Variants in CNTNAP4 observed in about 807,000 individuals in gnomAD.
CNTNAP4 encodes contactin-associated protein-like 4.
Under a neutral mutation model 148.4 loss-of-function variants are expected in CNTNAP4, and 98 were observed. The observed-to-expected ratio is 0.66, with a 90% CI of 0.56 to 0.78. The LOEUF is 0.78. CNTNAP4 is among the 30% of genes least tolerant of loss of function. The pLI is 0.00. For synonymous variants in CNTNAP4, 730 were observed against 565.1 expected, an observed-to-expected ratio of 1.29 and a Z score of -4.14; for missense variants, 1,935 against 1,565.6, an observed-to-expected ratio of 1.24 and a Z score of -3.98.
At chr16:76,392,708 G>T (rs188310953) in intron 3 of CNTNAP4, among the ~76,000 whole-genome samples, 1 of 152,196 alleles carries the variant, frequency 6.6e-6, no homozygotes, top group Admixed American at 6.5e-5. Flanking sequence ...TTCTTGGAGT[G>T]TTGAGTCTTT....
intron 2 of CNTNAP4, among the ~76,000 whole-genome samples, chr16:76,321,169 T>C (rs1336886199): frequency 6.6e-6 from 1 of 152,238 alleles, no homozygotes; most frequent in East Asian, 1.9e-4. Flanking sequence ...AAGCAATGTT[T>C]TCCCAATACC....
At chr16:76,473,589 T>C (rs185999335) in intron 10 of CNTNAP4, among the ~76,000 whole-genome samples, 13 of 152,120 alleles carry the variant, frequency 8.5e-5, no homozygotes, top group African/African-American at 2.2e-4. Flanking sequence ...CTGGCTAACA[T>C]GGTGAAGCCC....
At chr16:76,378,306 A>G (rs2144679407) in intron 3 of CNTNAP4, among the ~76,000 whole-genome samples, 1 of 152,348 alleles carries the variant, frequency 6.6e-6, no homozygotes, top group Non-Finnish European at 1.5e-5. Context: ...AAATATAATG[A>G]GGACCCTGGA....
At position 76,449,808 on chromosome 16, in the gene CNTNAP4, G is replaced by T; in HGVS notation, c.1021G>T (p.Val341Leu). 6.2e-7 allele frequency: 1 copy of T among 1,606,508 alleles called. No individual in the cohort carries two copies. Among genetic ancestry groups the T allele is most frequent in the Non-Finnish European group, 8.5e-7 (1 of 1,176,366 alleles). ...TTTAGAAAATCTCTATTATAATGGAGTGGATATCATTGATTTGGCCAAGCA... is the reference window on the plus strand; with the variant it reads ...TTTAGAAAATCTCTATTATAATGGATTGGATATCATTGATTTGGCCAAGCA... ...GCLENLYYNGVDIIDLAKQQK... is the reference protein window; with the variant it reads ...GCLENLYYNGLDIIDLAKQQK... The change falls in exon 7 of 24, where the codon GTG becomes TTG. Residue 341 changes from valine (V) to leucine (L), a missense_variant. Val to Leu is a conservative substitution (Grantham distance 32, BLOSUM62 1). Coordinates refer to ENST00000611870, the MANE Select transcript of CNTNAP4 (RefSeq NM_033401.5).
At chr16:76,367,675 C>T (rs1274463127) in intron 3 of CNTNAP4, among the ~76,000 whole-genome samples, 1 of 152,128 alleles carries the variant, frequency 6.6e-6, no homozygotes, top group Non-Finnish European at 1.5e-5. Flanking sequence ...AGATGTTCAG[C>T]TATCATGAAC....
At chr16:76,289,612 T>G (rs1311245929) in intron 1 of CNTNAP4, among the ~76,000 whole-genome samples, 1 of 151,650 alleles carries the variant, frequency 6.6e-6, no homozygotes, top group Non-Finnish European at 1.5e-5. Context: ...TTGCTCTGTC[T>G]CCCAGGCTGG....
At chr16:76,322,234 T>G (rs1469491682) in intron 2 of CNTNAP4, among the ~76,000 whole-genome samples, 1 of 152,206 alleles carries the variant, frequency 6.6e-6, no homozygotes, top group Non-Finnish European at 1.5e-5. Flanking sequence ...CTGCCTGATA[T>G]TTCTGTCTTG....
At chr16:76,297,060 C>A (rs13332281) in intron 1 of CNTNAP4, among the ~76,000 whole-genome samples, 4 of 151,942 alleles carry the variant, frequency 2.6e-5, no homozygotes, top group Admixed American at 2.6e-4. Flanking sequence ...TAACTTATAA[C>A]TGAACTCAAA....
intron 18 of CNTNAP4, among the ~76,000 whole-genome samples, chr16:76,536,491 C>T (rs1024567065): frequency 2.0e-5 from 3 of 152,060 alleles, no homozygotes; most frequent in African/African-American, 4.8e-5. Flanking sequence ...TCCCCATGCC[C>T]GGCCCTGTTA....
chr16:76,461,676 G>T (rs928298687), intron 8 of CNTNAP4, among the ~76,000 whole-genome samples: 15 of 152,090 alleles, frequency 9.9e-5, no homozygotes, highest in African/African-American at 3.4e-4. Context: ...CCCTAAGAAG[G>T]AAATTACATA....
chr16:76,441,185 T>A (rs768425650), intron 4 of CNTNAP4, among the ~76,000 whole-genome samples: 1 of 152,060 alleles, frequency 6.6e-6, no homozygotes, highest in Non-Finnish European at 1.5e-5. Context: ...TTGTGTGTCT[T>A]CCCCAATTGA....
At chr16:76,423,396 G>T (rs1266715698) in intron 3 of CNTNAP4, among the ~76,000 whole-genome samples, 1 of 151,974 alleles carries the variant, frequency 6.6e-6, no homozygotes, top group Non-Finnish European at 1.5e-5. Context: ...TAGTACACAG[G>T]TGCAAGATTC....
Position 76,559,098 on chromosome 16 carries a change from G to C in CNTNAP4, c.*415G>C, listed in dbSNP as rs1027994038. 1 of 152,832 alleles carries C rather than the reference G, an allele frequency of 6.5e-6. No individual in the cohort carries two copies. The highest frequency in any genetic ancestry group is 3.4e-3 in the Middle Eastern group (1 of 294). 9.5% of individuals were successfully genotyped at this position (152,832 alleles called of 1,614,324 possible). ...GCTGTGTTTGCTTTTGTCTCCTCGT[G>C]GTGTTATTCATAGACCTGGAAATGC... On this transcript the variant is annotated 3_prime_UTR_variant, in exon 24 of 24. Coordinates refer to ENST00000611870, the MANE Select transcript of CNTNAP4 (RefSeq NM_033401.5).
chr16:76,291,736 A>G (rs1959125054), intron 1 of CNTNAP4, among the ~76,000 whole-genome samples: 1 of 152,220 alleles, frequency 6.6e-6, no homozygotes, highest in South Asian at 2.1e-4. Context: ...AATAAAGCAA[A>G]CAAACAATAA....
chr16:76,361,198 A>T (rs781233347), intron 3 of CNTNAP4, among the ~76,000 whole-genome samples: 1 of 152,164 alleles, frequency 6.6e-6, no homozygotes, highest in Non-Finnish European at 1.5e-5. Context: ...TGCACAGTAC[A>T]ATACTGTTCA....
chr16:76,289,448 C>G (rs1747816578), intron 1 of CNTNAP4, among the ~76,000 whole-genome samples: 1 of 151,734 alleles, frequency 6.6e-6, no homozygotes, highest in South Asian at 2.1e-4. Flanking sequence ...TTAACTTTTA[C>G]AAAGCAGTGT....
chr16:76,321,244 CAG>C (rs1380553169), intron 2 of CNTNAP4, among the ~76,000 whole-genome samples: 2 of 152,210 alleles, frequency 1.3e-5, no homozygotes, highest in Non-Finnish European at 2.9e-5. Flanking sequence ...GGTTAATTGA[CAG>C]AGATAACTCC....
chr16:76,437,755 T>C (rs1194691702), intron 4 of CNTNAP4, among the ~76,000 whole-genome samples: 2 of 152,100 alleles, frequency 1.3e-5, no homozygotes, highest in African/African-American at 2.4e-5. Context: ...ATCTCTTTAA[T>C]TAAATATTTT....
chr16:76,397,822 G>A (rs1223064072), intron 3 of CNTNAP4, among the ~76,000 whole-genome samples: 2 of 104,992 alleles, frequency 1.9e-5, no homozygotes, highest in Non-Finnish European at 4.3e-5. Flanking sequence ...TGTGTGTAGA[G>A]CGAAGGAAAG....
Sources: gnomAD v4.1 joint callset for allele counts (sites outside exome capture counted in the v4.1 genomes callset) on GRCh38, gnomAD v4.1.1 for gene constraint, MANE v1.5 for transcripts, NCBI Gene and HGNC (gene_info 2026-07-23, HGNC 2026-07-21) for gene names.